Variants in CLPB observed in about 807,000 individuals in gnomAD.
The protein encoded by CLPB is ClpB family mitochondrial disaggregase.
Under a neutral mutation model 78.4 loss-of-function variants are expected in CLPB, and 40 were observed. That is an observed-to-expected ratio of 0.51 (90% CI 0.40 to 0.66). The LOEUF is 0.66. CLPB is among the 30% of genes least tolerant of loss of function. The pLI, the probability that CLPB is intolerant of heterozygous loss-of-function variation, is 0.00. For missense variants in CLPB, 780 were observed against 886.9 expected, an observed-to-expected ratio of 0.88 and a Z score of 1.53; for synonymous variants, 333 against 348.0, an observed-to-expected ratio of 0.96 and a Z score of 0.48.
At chr11:72,345,088 A>G (rs1950488079) in intron 5 of CLPB, among the ~76,000 whole-genome samples, 1 of 152,244 alleles carries the variant, frequency 6.6e-6, no homozygotes, top group Non-Finnish European at 1.5e-5. Flanking sequence ...ATGGAAGTGT[A>G]ACATGGTACA....
chr11:72,367,311 G>A (rs1013780260), intron 4 of CLPB, among the ~76,000 whole-genome samples: 1 of 152,098 alleles, frequency 6.6e-6, no homozygotes, highest in Non-Finnish European at 1.5e-5. Context: ...CTACAGGCGC[G>A]TGCCACCACA....
intron 5 of CLPB, among the ~76,000 whole-genome samples, chr11:72,342,217 G>A (rs534783697): frequency 1.5e-4 from 23 of 152,326 alleles, no homozygotes; most frequent in African/African-American, 5.3e-4. Context: ...TGGAAGACAT[G>A]AAAATGCCTG....
chr11:72,424,144 T>C (rs1240504368), intron 2 of CLPB, among the ~76,000 whole-genome samples: 1 of 152,246 alleles, frequency 6.6e-6, no homozygotes, highest in African/African-American at 2.4e-5. Flanking sequence ...TCAGGGTTCA[T>C]CCATGTTGTA....
chr11:72,434,127 G>A lies in CLPB; in HGVS notation c.348C>T (p.Cys116=). 3 of 1,612,206 alleles carry A rather than the reference G, an allele frequency of 1.9e-6. No individual in the cohort carries two copies. Among genetic ancestry groups the A allele is most frequent in the Non-Finnish European group, 2.5e-6 (3 of 1,180,014 alleles). ...GAACCACCAGCGCTGCGGCCAGGGC[G>A]CACATGCCCAGTCCGGCCCTGCTGG... ...GVPSRAGLGM[C]ALAAALVVHC... is the part of the protein sequence containing the mutation. Residue 116 remains cysteine, a synonymous_variant, in exon 1 of 16, where the codon TGC becomes TGT. Transcript: ENST00000538039.
chr11:72,312,375 C>T lies in CLPB; in HGVS notation c.989-3771G>A, dbSNP rs978074691. Reference sequence around the variant, plus strand: ...AAGTAGGTGTTATCTCCATTTTACACAGGATACCGAGGCTCAGAGACGGGC... The same window carrying T: ...AAGTAGGTGTTATCTCCATTTTACATAGGATACCGAGGCTCAGAGACGGGC... On this transcript the variant is annotated intron_variant, in intron 7 of 15. Transcript: ENST00000538039. This position sits in a 1 kb window ranked among gnomAD's most constrained non-coding sequence, Gnocchi z 4.2. Among the ~76,000 whole-genome samples the T allele has an allele frequency of 3.9e-5, 6 of 152,178 alleles. No individual in the cohort carries two copies. The highest frequency in any genetic ancestry group is 7.3e-5 in the Non-Finnish European group (5 of 68,030).
intron 3 of CLPB, among the ~76,000 whole-genome samples, chr11:72,402,740 G>A (rs1855598291): frequency 6.6e-6 from 1 of 152,230 alleles, no homozygotes; most frequent in African/African-American, 2.4e-5. Flanking sequence ...ACGTGCCTAA[G>A]GTCACAAAGC....
Position 72,434,296 on chromosome 11 carries a change from G to A in CLPB, c.179C>T (p.Pro60Leu), listed in dbSNP as rs750405478. The change falls in exon 1 of 16, where the codon CCG (proline) becomes CTG (leucine). Residue 60 changes from proline (P) to leucine (L), a missense_variant. Transcript: ENST00000538039. ...VATGGRPGTS[P>L]ALFSGRGAAT... ...TGCCCCACGTCCGGAGAACAAGGCC[G>A]GCGATGTTCCAGGGCGCCCCCCGGT... is the stretch of plus-strand genomic sequence containing the variant. 4 of 1,611,770 alleles carry A rather than the reference G, an allele frequency of 2.5e-6. No individual in the cohort carries two copies. The highest frequency in any genetic ancestry group is 1.7e-5 in the Admixed American group (1 of 59,896).
At chr11:72,351,937 A>G (rs1950621276) in intron 5 of CLPB, among the ~76,000 whole-genome samples, 1 of 152,142 alleles carries the variant, frequency 6.6e-6, no homozygotes, top group Admixed American at 6.6e-5. Flanking sequence ...AAAGTACATA[A>G]GGATACAACT....
At chr11:72,335,561 G>T (rs1192229010) in intron 5 of CLPB, among the ~76,000 whole-genome samples, 2 of 152,128 alleles carry the variant, frequency 1.3e-5, no homozygotes, top group African/African-American at 4.8e-5. Flanking sequence ...CATCTTTTAA[G>T]ACTCAGTCCT....
chr11:72,421,598 C>T (rs1172955711), intron 2 of CLPB, among the ~76,000 whole-genome samples: 1 of 152,148 alleles, frequency 6.6e-6, no homozygotes, highest in Non-Finnish European at 1.5e-5. Context: ...GAGACTAGCC[C>T]AAGGCCACAC....
intron 4 of CLPB, among the ~76,000 whole-genome samples, chr11:72,374,756 CT>C (rs1315681339): frequency 6.6e-6 from 1 of 152,182 alleles, no homozygotes; most frequent in African/African-American, 2.4e-5. Context: ...TCTTTGATAC[CT>C]TTTAGTTTTC....
intron 11 of CLPB, among the ~76,000 whole-genome samples, chr11:72,297,488 T>G (rs755011383): frequency 5.3e-5 from 8 of 152,244 alleles, no homozygotes; most frequent in Non-Finnish European, 8.8e-5. Context: ...CTGGTCACTC[T>G]GCTGTCCCTG....
chr11:72,382,244 G>A (rs928299513), intron 3 of CLPB, among the ~76,000 whole-genome samples: 3 of 152,132 alleles, frequency 2.0e-5, no homozygotes, highest in Non-Finnish European at 2.9e-5. Context: ...TGAGACTCCA[G>A]GACCATCCCT....
chr11:72,385,421 C>G (rs1021779553), intron 3 of CLPB, among the ~76,000 whole-genome samples: 23 of 152,210 alleles, frequency 1.5e-4, no homozygotes, highest in Non-Finnish European at 2.8e-4. Flanking sequence ...TAACATCTTT[C>G]CAGTTTCTTC....
At chr11:72,360,788 C>T (rs985609654) in intron 4 of CLPB, among the ~76,000 whole-genome samples, 1 of 152,198 alleles carries the variant, frequency 6.6e-6, no homozygotes, top group Admixed American at 6.5e-5. Context: ...GACATGGTCA[C>T]TTCACACAAT....
chr11:72,306,356 G>C (rs193166027), intron 9 of CLPB, among the ~76,000 whole-genome samples: 6 of 152,208 alleles, frequency 3.9e-5, no homozygotes, highest in Admixed American at 2.6e-4. Context: ...ACTCCTCATT[G>C]CCTTGGCCAG....
intron 4 of CLPB, among the ~76,000 whole-genome samples, chr11:72,360,294 G>T (rs916769549): frequency 6.6e-6 from 1 of 152,198 alleles, no homozygotes; most frequent in Non-Finnish European, 1.5e-5. Flanking sequence ...ACTCAGTCAA[G>T]AGGCGATCTT....
intron 3 of CLPB, among the ~76,000 whole-genome samples, chr11:72,396,717 T>C (rs972920518): frequency 1.3e-5 from 2 of 152,226 alleles, no homozygotes; most frequent in Non-Finnish European, 2.9e-5. Flanking sequence ...CAAATCTTCA[T>C]TCCCTACTAA....
intron 2 of CLPB, among the ~76,000 whole-genome samples, chr11:72,419,293 G>C (rs1458999432): frequency 6.6e-6 from 1 of 152,210 alleles, no homozygotes; most frequent in Non-Finnish European, 1.5e-5. Context: ...CATAAATGAT[G>C]GTAGGGAGGC....
Sources: allele counts gnomAD v4.1 joint callset (sites outside exome capture counted in the v4.1 genomes callset), GRCh38; gene constraint gnomAD v4.1.1; non-coding constraint Gnocchi (gnomAD v3.1); transcripts MANE v1.5; gene names NCBI Gene and HGNC (gene_info 2026-07-23, HGNC 2026-07-21).